Variants in C4orf50 observed in about 807,000 individuals in gnomAD.
C4orf50 encodes the protein chromosome 4 open reading frame 50.
C4orf50 carries 80 observed loss-of-function variants against 77.2 expected under a neutral mutation model. The ratio of observed to expected loss-of-function variants is 1.04; its 90% confidence interval spans 0.87 to 1.25. The LOEUF is 1.25. C4orf50 is among the 50% of genes most tolerant of loss of function. The pLI is 0.00. For synonymous variants in C4orf50, 532 were observed against 465.3 expected (o/e 1.14, Z -1.84); for missense variants, 1,257 against 1,152.9 (o/e 1.09, Z -1.31).
intron 7 of C4orf50, among the ~76,000 whole-genome samples, chr4:5,910,340 T>C: frequency 6.6e-6 from 1 of 152,238 alleles, no homozygotes. Context: ...ATAGTTAGCA[T>C]TTCTCATAGG....
intron 7 of C4orf50, among the ~76,000 whole-genome samples, chr4:5,914,366 A>G (rs1716947044): frequency 6.6e-6 from 1 of 151,936 alleles, no homozygotes; most frequent in South Asian, 2.1e-4. Flanking sequence ...CACCATGCCC[A>G]GCTAATTTTT....
intron 7 of C4orf50, among the ~76,000 whole-genome samples, chr4:5,926,096 T>A (rs1204060933): frequency 6.6e-6 from 1 of 152,152 alleles, no homozygotes; most frequent in Non-Finnish European, 1.5e-5. Context: ...TCGCCCAACG[T>A]GTCTTTCAAT....
intron 33 of C4orf50, among the ~76,000 whole-genome samples, chr4:5,962,585 C>G (rs1055808088): frequency 6.6e-6 from 1 of 152,206 alleles, no homozygotes; most frequent in African/African-American, 2.4e-5. Context: ...CAACCCCGCC[C>G]CCATCCAGGC....
At chr4:5,974,309 C>A (rs1720122789) in intron 30 of C4orf50, among the ~76,000 whole-genome samples, 1 of 152,166 alleles carries the variant, frequency 6.6e-6, no homozygotes, top group Non-Finnish European at 1.5e-5. Flanking sequence ...TAAAGAAATG[C>A]TCCACAGCAA....
chr4:5,909,631 TTCA>T (rs1716709088), intron 7 of C4orf50, among the ~76,000 whole-genome samples: 1 of 152,234 alleles, frequency 6.6e-6, no homozygotes, highest in Admixed American at 6.5e-5. Flanking sequence ...TTCCAGCAGT[TTCA>T]TCGTTTTTGT....
chr4:5,950,918 A>T (rs569574381), intron 7 of C4orf50, among the ~76,000 whole-genome samples: 3 of 152,342 alleles, frequency 2.0e-5, no homozygotes, highest in African/African-American at 7.2e-5. Flanking sequence ...TGAATGAATT[A>T]CCTACGGCAT....
chr4:5,999,244 G>A (rs1421601316), intron 25 of C4orf50, among the ~76,000 whole-genome samples: 1 of 152,186 alleles, frequency 6.6e-6, no homozygotes, highest in Non-Finnish European at 1.5e-5. Context: ...CACTGCAGGT[G>A]GGGCCAAGCC....
intron 7 of C4orf50, among the ~76,000 whole-genome samples, chr4:5,939,764 T>C (rs67472649): frequency 6.6e-6 from 1 of 151,918 alleles, no homozygotes; most frequent in Non-Finnish European, 1.5e-5. Context: ...CCCTGTCCCC[T>C]GTCCCCAGAC....
rs1309855168 is a variant in C4orf50 at position 5,989,783 on chromosome 4, CA to C, written c.2262del (p.His754GlnfsTer39). 9 of 1,522,414 alleles carry C rather than the reference CA, an allele frequency of 5.9e-6. No homozygotes were observed. 94.3% of individuals were successfully genotyped at this position (1,522,414 alleles called of 1,614,324 possible). On this transcript the variant is annotated frameshift_variant, in exon 28 of 34. Coordinates refer to ENST00000531445, the Ensembl canonical transcript of C4orf50. LOFTEE classifies it high-confidence loss of function. ...GCAAAGAAAAGCATTTCCTTGCTCTCATGTTCCTGGGAGTCAGGCTCCTCGG... is the reference window on the plus strand; with the variant it reads ...GCAAAGAAAAGCATTTCCTTGCTCTCTGTTCCTGGGAGTCAGGCTCCTCGG...
At chr4:5,989,171 A>C in exon 28 of C4orf50, 1 of 1,536,026 alleles carries the variant, frequency 6.5e-7, no homozygotes, top group Non-Finnish European at 8.7e-7. Flanking sequence ...TCAAGGGCGC[A>C]CACTCTTTCA....
intron 7 of C4orf50, among the ~76,000 whole-genome samples, chr4:5,906,499 A>G (rs1389560709): frequency 6.6e-6 from 1 of 152,288 alleles, no homozygotes; most frequent in East Asian, 1.9e-4. Flanking sequence ...AAGAGCCTTC[A>G]TGGATGCACC....
Position 6,008,834 on chromosome 4 carries a change from C to T in C4orf50, c.427-302G>A, listed in dbSNP as rs200990208. On this transcript the variant is annotated intron_variant, in intron 24 of 33. Coordinates refer to ENST00000531445, the Ensembl canonical transcript of C4orf50. This position sits in a 1 kb window ranked among gnomAD's most constrained non-coding sequence, Gnocchi z 6.0. ...CAGGATGGCCATCAGCGAGTACACACCCTGAGGGCCGCTGGAGATGTCCGG... is the reference window on the plus strand; with the variant it reads ...CAGGATGGCCATCAGCGAGTACACATCCTGAGGGCCGCTGGAGATGTCCGG... 2.6e-4 allele frequency among the ~76,000 whole-genome samples: 39 copies of T among 152,260 alleles called. No individual in the cohort carries two copies. The highest frequency in any genetic ancestry group is 2.5e-3 in the East Asian group (13 of 5,150).
exon 34 of C4orf50, chr4:5,957,582 C>T (rs866457636): frequency 2.6e-5 from 4 of 152,166 alleles, no homozygotes; most frequent in Non-Finnish European, 4.4e-5. Flanking sequence ...ACAGGGTCTC[C>T]AGGGGGGTCC....
intron 7 of C4orf50, among the ~76,000 whole-genome samples, chr4:5,909,178 G>A (rs558235709): frequency 6.6e-6 from 1 of 152,302 alleles, no homozygotes; most frequent in South Asian, 2.1e-4. Flanking sequence ...CCCTGCCTAT[G>A]TCTTTGAGTT....
At chr4:5,920,081 G>C (rs1717195554) in intron 7 of C4orf50, among the ~76,000 whole-genome samples, 1 of 152,184 alleles carries the variant, frequency 6.6e-6, no homozygotes, top group African/African-American at 2.4e-5. Context: ...ACACTGTGTA[G>C]GTTATATGCA....
intron 7 of C4orf50, among the ~76,000 whole-genome samples, chr4:5,942,320 A>T (rs1347492125): frequency 6.6e-6 from 1 of 152,238 alleles, no homozygotes; most frequent in East Asian, 1.9e-4. Context: ...CTTGGGGGTC[A>T]TACAGGACCC....
chr4:5,957,992 T>C (rs542541737), exon 34 of C4orf50: 1 of 152,258 alleles, frequency 6.6e-6, no homozygotes, highest in Admixed American at 6.5e-5. Context: ...CTATACACTT[T>C]GACACTTCCT....
At chr4:5,987,714 A>C (rs183990831) in intron 28 of C4orf50, among the ~76,000 whole-genome samples, 150 of 152,092 alleles carry the variant, frequency 9.9e-4, no homozygotes, top group Middle Eastern at 3.4e-3. Context: ...AGAGATAGAA[A>C]ATGGAATGAA....
At chr4:5,989,627 C>G (rs1404328711) in exon 28 of C4orf50, 2 of 1,536,162 alleles carry the variant, frequency 1.3e-6, no homozygotes, top group South Asian at 2.4e-5. Flanking sequence ...ACGTCCTGTG[C>G]AAGCTCATCG....
Sources: allele counts gnomAD v4.1 joint callset (sites outside exome capture counted in the v4.1 genomes callset), GRCh38; gene constraint gnomAD v4.1.1; non-coding constraint Gnocchi (gnomAD v3.1); transcripts MANE v1.5; gene names NCBI Gene and HGNC (gene_info 2026-07-23, HGNC 2026-07-21).